TUNAR: variants seen among roughly 807,000 people sequenced by gnomAD.
The protein encoded by TUNAR is transmembrane neural differentiation associated intracellular calcium regulator.
At chr14:95,890,162 G>C (rs1889152401) in intron 2 of TUNAR, among the ~76,000 whole-genome samples, 1 of 152,032 alleles carries the variant, frequency 6.6e-6, no homozygotes, top group Non-Finnish European at 1.5e-5. Context: ...TTTTTTATAA[G>C]AAATTGGCAT....
chr14:95,877,086 T>G (rs533119277), exon 2 of TUNAR: 1 of 152,352 alleles, frequency 6.6e-6, no homozygotes, highest in East Asian at 1.9e-4. Context: ...TCTCCTCGCC[T>G]TCCTGCGGCT....
intron 2 of TUNAR, among the ~76,000 whole-genome samples, chr14:95,880,020 C>T (rs1319760054): frequency 1.3e-5 from 2 of 152,164 alleles, no homozygotes; most frequent in Non-Finnish European, 2.9e-5. Context: ...ACAACAGCTT[C>T]CGTAGGCCAG....
At chr14:95,900,277 A>G (rs1485254392) in intron 2 of TUNAR, among the ~76,000 whole-genome samples, 2 of 152,230 alleles carry the variant, frequency 1.3e-5, no homozygotes, top group Admixed American at 6.5e-5. Flanking sequence ...TGTGAGGCGA[A>G]GGGAAGGCTG....
chr14:95,897,301 C>T lies in TUNAR; in HGVS notation c.12+20124C>T, dbSNP rs565274436. On this transcript the variant is annotated intron_variant, in intron 2 of 2. Transcript: ENST00000678517. ...GGAATCCACTGCCGTACTAGTGGCT[C>T]TTTCTCCTCCTCTCAGTTTCATCTG... is the stretch of plus-strand genomic sequence containing the variant. 3.3e-5 allele frequency among the ~76,000 whole-genome samples: 5 copies of T among 152,342 alleles called. No individual in the cohort carries two copies. In the East Asian group the frequency reaches 9.6e-4, roughly 29 times the overall value.
chr14:95,909,109 T>A (rs1172902978), intron 2 of TUNAR, among the ~76,000 whole-genome samples: 2 of 152,206 alleles, frequency 1.3e-5, no homozygotes, highest in Non-Finnish European at 2.9e-5. Flanking sequence ...GTGTTCTCGT[T>A]GAGCAAAGGA....
chr14:95,924,769 G>A (rs1052994113), exon 3 of TUNAR: 3 of 152,180 alleles, frequency 2.0e-5, no homozygotes, highest in African/African-American at 7.2e-5. Flanking sequence ...CAACACATGG[G>A]TATTCAAGAT....
Position 95,920,114 on chromosome 14 carries a change from G to A in TUNAR, c.13-2667G>A, listed in dbSNP as rs140689146. Among the ~76,000 whole-genome samples, 388 of 152,324 alleles carry A rather than the reference G, an allele frequency of 2.5e-3. 3 individuals carry two copies. The highest frequency in any genetic ancestry group is 8.4e-3 in the African/African-American group (349 of 41,572). ...ACGAGCCACAGCTATACACAACGACGTGAGCAAATCTCACACACAGTGTTG... is the reference window on the plus strand; with the variant it reads ...ACGAGCCACAGCTATACACAACGACATGAGCAAATCTCACACACAGTGTTG... On this transcript the variant is annotated intron_variant, in intron 2 of 2. Transcript: ENST00000678517.
At chr14:95,880,058 T>C (rs2139650058) in intron 2 of TUNAR, among the ~76,000 whole-genome samples, 1 of 152,296 alleles carries the variant, frequency 6.6e-6, no homozygotes, top group African/African-American at 2.4e-5. Flanking sequence ...CCCGACTCAG[T>C]TGTTCATTGG....
At chr14:95,919,357 TA>T (rs1447798429) in intron 2 of TUNAR, among the ~76,000 whole-genome samples, 1 of 152,174 alleles carries the variant, frequency 6.6e-6, no homozygotes, top group Non-Finnish European at 1.5e-5. Flanking sequence ...AAACTGTAAA[TA>T]AAAACTGTAG....
intron 2 of TUNAR, among the ~76,000 whole-genome samples, chr14:95,909,541 G>A (rs552737725): frequency 6.6e-5 from 10 of 151,976 alleles, no homozygotes; most frequent in African/African-American, 1.9e-4. Context: ...CCTCAGCCCC[G>A]CAAAGTGCTG....
chr14:95,897,883 T>C (rs1889290288), intron 2 of TUNAR, among the ~76,000 whole-genome samples: 1 of 152,244 alleles, frequency 6.6e-6, no homozygotes, highest in African/African-American at 2.4e-5. Context: ...TTCTATGCCT[T>C]TTTCATACTC....
chr14:95,906,126 T>C (rs1195867178), intron 2 of TUNAR, among the ~76,000 whole-genome samples: 2 of 152,194 alleles, frequency 1.3e-5, no homozygotes, highest in Non-Finnish European at 1.5e-5. Flanking sequence ...TCCTCAACTC[T>C]GGAATCAACC....
At chr14:95,913,479 G>A (rs1350176079) in intron 2 of TUNAR, among the ~76,000 whole-genome samples, 2 of 152,112 alleles carry the variant, frequency 1.3e-5, no homozygotes, top group East Asian at 1.9e-4. Context: ...CAGCTGCCAG[G>A]TAATGCATCA....
chr14:95,917,557 A>T lies in TUNAR; in HGVS notation c.13-5224A>T, dbSNP rs542913698. Among the ~76,000 whole-genome samples the T allele has an allele frequency of 5.9e-5, 9 of 152,334 alleles. No individual in the cohort carries two copies. The East Asian group carries it at 1.5e-3, about 26-fold the overall frequency. Reference sequence around the variant, plus strand: ...GACATTTTGACTGGAACTGCAAAAAACCTATAGAACACTTTAGGAAAAACT... The same window carrying T: ...GACATTTTGACTGGAACTGCAAAAATCCTATAGAACACTTTAGGAAAAACT... On this transcript the variant is annotated intron_variant, in intron 2 of 2. Coordinates refer to ENST00000678517, the Ensembl canonical transcript of TUNAR.
chr14:95,911,231 C>T (rs1226988193), intron 2 of TUNAR, among the ~76,000 whole-genome samples: 1 of 152,206 alleles, frequency 6.6e-6, no homozygotes, highest in Non-Finnish European at 1.5e-5. Context: ...TCCGCACTTC[C>T]ACATTTTCTT....
intron 2 of TUNAR, among the ~76,000 whole-genome samples, chr14:95,879,933 T>C (rs1157555187): frequency 6.6e-6 from 1 of 152,188 alleles, no homozygotes; most frequent in Non-Finnish European, 1.5e-5. Context: ...CTTAGCATCA[T>C]GGGGACACAG....
At chr14:95,892,401 G>A (rs995174479) in intron 2 of TUNAR, among the ~76,000 whole-genome samples, 2 of 152,262 alleles carry the variant, frequency 1.3e-5, no homozygotes, top group Admixed American at 1.3e-4. Context: ...CAGTGAGTGG[G>A]TGGCAGTGCG....
intron 2 of TUNAR, among the ~76,000 whole-genome samples, chr14:95,901,169 G>A (rs1029665200): frequency 5.3e-5 from 8 of 152,214 alleles, no homozygotes; most frequent in South Asian, 4.1e-4. Flanking sequence ...TGTCTGGCTC[G>A]GTGTAAGAGC....
At chr14:95,921,528 G>T (rs1889696707) in intron 2 of TUNAR, among the ~76,000 whole-genome samples, 1 of 152,176 alleles carries the variant, frequency 6.6e-6, no homozygotes, top group Middle Eastern at 3.2e-3. Context: ...AAAATAAAAA[G>T]TTATTTTGAT....
Sources: allele counts gnomAD v4.1 joint callset (sites outside exome capture counted in the v4.1 genomes callset), GRCh38; gene constraint gnomAD v4.1.1; transcripts MANE v1.5; gene names NCBI Gene and HGNC (gene_info 2026-07-23, HGNC 2026-07-21).